The following MTMR14 variants were observed in gnomAD, a reference collection of about 807,000 sequenced individuals.
The protein encoded by MTMR14 is phosphatidylinositol-3,5-bisphosphate 3-phosphatase MTMR14.
MTMR14 carries 48 observed loss-of-function variants against 86.3 expected under a neutral mutation model. The observed-to-expected ratio is 0.56, with a 90% CI of 0.44 to 0.71. The LOEUF (loss-of-function observed/expected upper bound fraction) is 0.71, where lower values mean the gene tolerates loss of function less well. MTMR14 is among the 30% of genes least tolerant of loss of function. MTMR14 has a pLI of 0.00. For missense variants in MTMR14, 780 were observed against 834.6 expected (o/e 0.93, Z 0.81); for synonymous variants, 366 against 326.1 (o/e 1.12, Z -1.32).
intron 2 of MTMR14, among the ~76,000 whole-genome samples, chr3:9,654,689 G>A (rs1454405301): frequency 6.6e-6 from 1 of 152,230 alleles, no homozygotes; most frequent in African/African-American, 2.4e-5. Flanking sequence ...GTTGTGAGGA[G>A]TACCGCAGCA....
rs2075900125 is a variant in MTMR14 at position 9,685,240 on chromosome 3, GGGA to G, written c.1163_1164+1del. On this transcript the variant is annotated inframe_deletion, in exon 13 of 19. Transcript: ENST00000296003. ...ATGTTGGTAGATCGGCTCAGCAAAGGGGAGGAGGTGAGTATACCACCTACGACT... is the reference window on the plus strand; with the variant it reads ...ATGTTGGTAGATCGGCTCAGCAAAGGGGAGGTGAGTATACCACCTACGACT... 6.2e-7 allele frequency: 1 copy of G among 1,613,988 alleles called. No homozygotes were observed. The highest frequency in any genetic ancestry group is 1.1e-5 in the South Asian group (1 of 91,090).
intron 7 of MTMR14, among the ~76,000 whole-genome samples, chr3:9,673,951 G>GTGATGA (rs549909023): frequency 6.6e-6 from 1 of 151,926 alleles, no homozygotes; most frequent in Non-Finnish European, 1.5e-5. Flanking sequence ...GTTGATGATG[G>GTGATGA]TGATGATGAT....
intron 2 of MTMR14, among the ~76,000 whole-genome samples, chr3:9,658,361 C>A (rs1186899539): frequency 6.6e-6 from 1 of 152,176 alleles, no homozygotes; most frequent in Non-Finnish European, 1.5e-5. Context: ...GGAATAGAAG[C>A]CTGGACAGGG....
At chr3:9,690,547 G>T (rs1430410308) in intron 17 of MTMR14, among the ~76,000 whole-genome samples, 1 of 152,196 alleles carries the variant, frequency 6.6e-6, no homozygotes. Flanking sequence ...TGAGAACAGT[G>T]TTAGGGAGCT....
chr3:9,649,531 G>A lies in MTMR14; in HGVS notation c.-53G>A, dbSNP rs2047154639. On this transcript the variant is annotated 5_prime_UTR_variant, in exon 1 of 19. Transcript: ENST00000296003. ...GGTTCTAGTGTCGGAGTTGGGTGCA[G>A]GCAGGTGCCATGGGCCCGCTTGAGG... 6 of 1,508,720 alleles carry A rather than the reference G, an allele frequency of 4.0e-6. No homozygotes were observed. The highest frequency in any genetic ancestry group is 5.3e-6 in the Non-Finnish European group (6 of 1,131,268). 93.5% of individuals were successfully genotyped at this position (1,508,720 alleles called of 1,614,324 possible). A position where few individuals can be genotyped will look rare whatever the true frequency, so the allele number is the denominator to read the frequency against.
intron 1 of MTMR14, among the ~76,000 whole-genome samples, chr3:9,652,468 A>G (rs773997330): frequency 1.3e-5 from 2 of 152,192 alleles, no homozygotes; most frequent in African/African-American, 2.4e-5. Context: ...AGAATGGGGA[A>G]GAGGGCCAGT....
intron 16 of MTMR14, 22 bp from the exon 17 acceptor site, chr3:9,689,942 A>C (rs764897291): frequency 6.2e-7 from 1 of 1,602,544 alleles, no homozygotes; most frequent in Non-Finnish European, 8.5e-7. Flanking sequence ...CCCGGCTCAC[A>C]GCCCTGCTCC....
intron 3 of MTMR14, among the ~76,000 whole-genome samples, chr3:9,668,242 C>G (rs1294492980): frequency 6.6e-6 from 1 of 152,212 alleles, no homozygotes; most frequent in Non-Finnish European, 1.5e-5. Context: ...TCACAGTAAG[C>G]ACATAGAGGT....
chr3:9,687,950 C>A, intron 14 of MTMR14, 59 bp downstream of exon 14: 2 of 1,426,052 alleles, frequency 1.4e-6, no homozygotes, highest in Non-Finnish European at 9.7e-7. Context: ...GGGCTGCTCC[C>A]TGGGAGGCAA....
chr3:9,662,138 G>A, intron 2 of MTMR14, 129 bp from the exon 3 acceptor site: 1 of 716,392 alleles, frequency 1.4e-6, no homozygotes. Context: ...TAAAATTTAG[G>A]AATGACATTT....
At chr3:9,698,913 A>T (rs2076366123) in intron 18 of MTMR14, among the ~76,000 whole-genome samples, 1 of 152,102 alleles carries the variant, frequency 6.6e-6, no homozygotes, top group South Asian at 2.1e-4. Context: ...TCACGCCTGT[A>T]GTCCCAGCAC....
intron 7 of MTMR14, among the ~76,000 whole-genome samples, chr3:9,673,030 C>G (rs1248703539): frequency 6.6e-6 from 1 of 152,168 alleles, no homozygotes; most frequent in Non-Finnish European, 1.5e-5. Flanking sequence ...CCCCTCCAAG[C>G]CTCAAGTTTT....
At chr3:9,680,796 C>G (rs2075740300) in intron 9 of MTMR14, among the ~76,000 whole-genome samples, 1 of 152,232 alleles carries the variant, frequency 6.6e-6, no homozygotes, top group East Asian at 1.9e-4. Flanking sequence ...GAGATCGCGC[C>G]ACTACACTCC....
chr3:9,672,058 G>T (rs1045681734), intron 6 of MTMR14, among the ~76,000 whole-genome samples: 1 of 152,166 alleles, frequency 6.6e-6, no homozygotes, highest in Non-Finnish European at 1.5e-5. Flanking sequence ...AGAAAAAAAG[G>T]GTTCCCATAG....
At chr3:9,662,424 G>A in intron 3 of MTMR14, 49 bp downstream of exon 3, 1 of 1,499,994 alleles carries the variant, frequency 6.7e-7, no homozygotes, top group Non-Finnish European at 9.3e-7. Flanking sequence ...TTCTGGGGTA[G>A]CTGACTTACT....
intron 17 of MTMR14, among the ~76,000 whole-genome samples, chr3:9,694,593 C>T (rs1236572333): frequency 6.6e-6 from 1 of 152,162 alleles, no homozygotes; most frequent in Non-Finnish European, 1.5e-5. Flanking sequence ...TACCTTTTCA[C>T]GAATGCTCAG....
Position 9,654,196 on chromosome 3 carries a change from C to G in MTMR14, c.308+427C>G, listed in dbSNP as rs79336281. Among the ~76,000 whole-genome samples, 802 of 152,306 alleles carry G rather than the reference C, an allele frequency of 5.3e-3. 10 individuals carry two copies. Among genetic ancestry groups the G allele is most frequent in the African/African-American group, 0.018 (767 of 41,572 alleles). On this transcript the variant is annotated intron_variant, in intron 2 of 18. Coordinates refer to ENST00000296003, the MANE Select transcript of MTMR14 (RefSeq NM_001077525.3). ...TCTAGAGTTCACATCCTGGATTCCCCTGTTGCTGGCTGTGTAACTGATGCT... is the reference window on the plus strand; with the variant it reads ...TCTAGAGTTCACATCCTGGATTCCCGTGTTGCTGGCTGTGTAACTGATGCT...
chr3:9,678,909 A>C (rs1575019724), intron 9 of MTMR14, among the ~76,000 whole-genome samples: 1 of 152,224 alleles, frequency 6.6e-6, no homozygotes, highest in Admixed American at 6.5e-5. Context: ...ACAGGCACAG[A>C]GCCTAGAACT....
intron 3 of MTMR14, among the ~76,000 whole-genome samples, chr3:9,663,017 G>C (rs1244745707): frequency 6.6e-6 from 1 of 152,208 alleles, no homozygotes; most frequent in Non-Finnish European, 1.5e-5. Flanking sequence ...GTACACATCA[G>C]GGCAGAGGAT....
Sources: gnomAD v4.1 joint callset for allele counts (sites outside exome capture counted in the v4.1 genomes callset) on GRCh38, gnomAD v4.1.1 for gene constraint, MANE v1.5 for transcripts, NCBI Gene and HGNC (gene_info 2026-07-23, HGNC 2026-07-21) for gene names.